Variants in ADARB2 observed in about 807,000 individuals in gnomAD.
ADARB2 encodes the protein adenosine deaminase RNA specific B2 (inactive).
A neutral mutation model predicts 62.2 loss-of-function variants in ADARB2; 25 were observed. The observed-to-expected ratio is 0.40, with a 90% CI of 0.29 to 0.56. ADARB2 has a LOEUF of 0.56. Ranked by LOEUF, ADARB2 falls within the 20% of genes least tolerant of loss-of-function variation. ADARB2 has a pLI of 0.43. For missense variants in ADARB2, 1,071 were observed against 1,077.4 expected, an observed-to-expected ratio of 0.99 and a Z score of 0.08; for synonymous variants, 572 against 500.8, an observed-to-expected ratio of 1.14 and a Z score of -1.90.
At chr10:1,735,945 C>T (rs976916403) in intron 1 of ADARB2, among the ~76,000 whole-genome samples, 1 of 152,180 alleles carries the variant, frequency 6.6e-6, no homozygotes, top group Non-Finnish European at 1.5e-5. Context: ...TTATCTTAGG[C>T]CAATGCAAAG....
At position 1,306,603 on chromosome 10, in the gene ADARB2, T is replaced by G. The variant is rs1214064572; in HGVS notation, c.1078-35534A>C. Among the ~76,000 whole-genome samples, 142 of 145,484 alleles carry G rather than the reference T, an allele frequency of 9.8e-4. 2 individuals carry two copies. The highest frequency in any genetic ancestry group is 8.5e-3 in the South Asian group (33 of 3,888). ...CCAAAAAAGAGCCCGCATCGCTAAG[T>G]CAATCCTAAGCCAAAAGAACAAAGC... On this transcript the variant is annotated intron_variant, in intron 3 of 9. Transcript: ENST00000381312.
At chr10:1,483,465 A>T (rs961290039) in intron 1 of ADARB2, among the ~76,000 whole-genome samples, 1 of 152,214 alleles carries the variant, frequency 6.6e-6, no homozygotes, top group Non-Finnish European at 1.5e-5. Context: ...CGTCCTAGCT[A>T]TGCAGATGTT....
At chr10:1,474,402 C>T (rs1202706251) in intron 1 of ADARB2, among the ~76,000 whole-genome samples, 8 of 152,174 alleles carry the variant, frequency 5.3e-5, no homozygotes, top group African/African-American at 9.6e-5. Context: ...AGGGGCAGCC[C>T]GGTCTACATT....
chr10:1,191,510 G>A (rs1196733401), intron 8 of ADARB2, among the ~76,000 whole-genome samples: 2 of 152,154 alleles, frequency 1.3e-5, no homozygotes, highest in African/African-American at 2.4e-5. Context: ...GCTCCCAAGC[G>A]GCCTTGGGAA....
chr10:1,434,190 G>A (rs12247854), intron 1 of ADARB2, among the ~76,000 whole-genome samples: 5,972 of 152,156 alleles, frequency 0.039, 391 homozygotes, highest in African/African-American at 0.14. Context: ...ATTAGATTCC[G>A]AGAAGGCTGA....
chr10:1,737,178 G>A lies in ADARB2; in HGVS notation c.-28C>T. On this transcript the variant is annotated 5_prime_UTR_variant, in exon 1 of 10. Transcript: ENST00000381312. The stretch of plus-strand genomic sequence containing the variant: ...CCGAGACCCAGGCGCGGAGCCCAGA[G>A]CCGCCTCCCTCCTGCACCTGCACCT... 1 of 1,599,926 alleles carries A rather than the reference G, an allele frequency of 6.3e-7. No individual in the cohort carries two copies.
chr10:1,209,573 A>C (rs1837120731), intron 7 of ADARB2, among the ~76,000 whole-genome samples: 1 of 119,912 alleles, frequency 8.3e-6, no homozygotes. Context: ...CCACATCATC[A>C]CCCACACTCT....
intron 1 of ADARB2, among the ~76,000 whole-genome samples, chr10:1,621,287 A>C (rs562797043): frequency 5.0e-4 from 76 of 152,366 alleles, no homozygotes; most frequent in African/African-American, 1.8e-3. Context: ...ACATATGATT[A>C]GTATAAACAT....
chr10:1,632,823 C>T (rs1415449022), intron 1 of ADARB2, among the ~76,000 whole-genome samples: 1 of 152,226 alleles, frequency 6.6e-6, no homozygotes, highest in Non-Finnish European at 1.5e-5. Flanking sequence ...TCTTATGTGG[C>T]AACTTGACTG....
rs1235299639 is a variant in ADARB2 at position 1,302,385 on chromosome 10, G to A, written c.1078-31316C>T. ...CCTGGCTCGGAGGGTCCTACCCCAC[G>A]GAGTCTCGCTGATTGCTAGCACAGC... On this transcript the variant is annotated intron_variant, in intron 3 of 9. Transcript: ENST00000381312. Among the ~76,000 whole-genome samples the A allele has an allele frequency of 2.6e-5, 4 of 152,310 alleles. No individual in the cohort carries two copies. The East Asian group carries it at 5.8e-4, about 22-fold the overall frequency.
chr10:1,379,215 A>C, intron 1 of ADARB2, 55 bp from the exon 2 acceptor site: 2 of 1,415,378 alleles, frequency 1.4e-6, no homozygotes, highest in Admixed American at 3.4e-5. Flanking sequence ...GGAAAAACTC[A>C]ATGCTTTTAT....
At chr10:1,353,208 A>C (rs1832160769) in intron 3 of ADARB2, among the ~76,000 whole-genome samples, 1 of 152,196 alleles carries the variant, frequency 6.6e-6, no homozygotes. Flanking sequence ...TGCTGGCAGA[A>C]GACCCTTCAA....
chr10:1,645,695 G>T (rs778691588), intron 1 of ADARB2, among the ~76,000 whole-genome samples: 1 of 150,498 alleles, frequency 6.6e-6, no homozygotes, highest in Non-Finnish European at 1.5e-5. Flanking sequence ...CCTGGCACTT[G>T]ACTGCCTCCC....
intron 1 of ADARB2, among the ~76,000 whole-genome samples, chr10:1,633,556 CTATCT>C (rs1185874909): frequency 9.3e-6 from 1 of 107,896 alleles, no homozygotes; most frequent in Non-Finnish European, 2.0e-5. Context: ...TATCATCTAT[CTATCT>C]ATCTATCTAT....
In ADARB2 at chr10:1,359,423, C is replaced by T. The variant is rs149040701; in HGVS notation, c.1077+3605G>A. 1.5e-3 allele frequency among the ~76,000 whole-genome samples: 222 copies of T among 152,308 alleles called. 2 individuals are homozygous for T. The highest frequency in any genetic ancestry group is 5.1e-3 in the African/African-American group (212 of 41,562). ...TGAGTCTGATCCTGAGAAACACCCC[C>T]GGGTGCAGGAAATAGTGAAAATCAG... On this transcript the variant is annotated intron_variant, in intron 3 of 9. Transcript: ENST00000381312.
intron 1 of ADARB2, among the ~76,000 whole-genome samples, chr10:1,608,320 G>T (rs938160363): frequency 2.0e-5 from 3 of 152,218 alleles, no homozygotes; most frequent in African/African-American, 7.2e-5. Flanking sequence ...GACGCAGCGT[G>T]CCTGTGCTGC....
At chr10:1,245,750 T>A (rs1218253515) in intron 4 of ADARB2, among the ~76,000 whole-genome samples, 3 of 152,222 alleles carry the variant, frequency 2.0e-5, no homozygotes, top group African/African-American at 7.2e-5. Flanking sequence ...ATGGACATTT[T>A]GGTTGGTTCC....
intron 3 of ADARB2, among the ~76,000 whole-genome samples, chr10:1,278,116 C>T (rs914042662): frequency 3.9e-5 from 6 of 152,054 alleles, no homozygotes; most frequent in Admixed American, 1.3e-4. Flanking sequence ...ACTACAGGCG[C>T]GCGCCACTAT....
chr10:1,443,996 T>C (rs1202304721), intron 1 of ADARB2, among the ~76,000 whole-genome samples: 2 of 151,680 alleles, frequency 1.3e-5, no homozygotes, highest in Middle Eastern at 3.2e-3. Context: ...CACTCATTCA[T>C]CCATCTGTCC....
Sources: gnomAD v4.1 joint callset for allele counts (sites outside exome capture counted in the v4.1 genomes callset) on GRCh38, gnomAD v4.1.1 for gene constraint, MANE v1.5 for transcripts, NCBI Gene and HGNC (gene_info 2026-07-23, HGNC 2026-07-21) for gene names.